Variants in CADPS observed in about 807,000 individuals in gnomAD.
CADPS encodes calcium dependent secretion activator.
A neutral mutation model predicts 167.3 loss-of-function variants in CADPS; 57 were observed. The observed-to-expected ratio is 0.34, with a 90% CI of 0.28 to 0.42. CADPS has a LOEUF of 0.42. Among genes scored for constraint, CADPS ranks in the 20% least tolerant of loss-of-function variants. The pLI, the probability that CADPS is intolerant of heterozygous loss-of-function variation, is 1.00. For synonymous variants in CADPS, 676 were observed against 635.3 expected, an observed-to-expected ratio of 1.06 and a Z score of -0.96; for missense variants, 1,414 against 1,738.1, an observed-to-expected ratio of 0.81 and a Z score of 3.32.
intron 24 of CADPS, among the ~76,000 whole-genome samples, chr3:62,468,437 T>C (rs1456613316): frequency 6.6e-6 from 1 of 152,150 alleles, no homozygotes; most frequent in Non-Finnish European, 1.5e-5. Flanking sequence ...CTTGAAAAAC[T>C]GGGCTGAAGT....
chr3:62,701,155 G>A (rs532116163), intron 3 of CADPS, among the ~76,000 whole-genome samples: 4 of 152,166 alleles, frequency 2.6e-5, no homozygotes, highest in East Asian at 3.9e-4. Flanking sequence ...TATGAATTTG[G>A]GGGGAGGGAC....
At chr3:62,727,424 G>T (rs978892543) in intron 3 of CADPS, among the ~76,000 whole-genome samples, 3 of 151,936 alleles carry the variant, frequency 2.0e-5, no homozygotes, top group African/African-American at 7.3e-5. Context: ...TTTAGTTGGT[G>T]AGAAATCTGT....
At chr3:62,543,004 A>T (rs1367621663) in intron 11 of CADPS, among the ~76,000 whole-genome samples, 4 of 152,188 alleles carry the variant, frequency 2.6e-5, no homozygotes, top group Non-Finnish European at 4.4e-5. Context: ...ACTATATGGC[A>T]TGAAAATACT....
At chr3:62,855,685 A>G (rs1444855707) in intron 1 of CADPS, among the ~76,000 whole-genome samples, 1 of 152,086 alleles carries the variant, frequency 6.6e-6, no homozygotes, top group Admixed American at 6.6e-5. Flanking sequence ...TTTTGCTTAT[A>G]ATTTATAATT....
At chr3:62,649,948 C>T (rs769147852) in intron 5 of CADPS, among the ~76,000 whole-genome samples, 18 of 152,178 alleles carry the variant, frequency 1.2e-4, no homozygotes, top group South Asian at 1.0e-3. Flanking sequence ...TTCCATTGTA[C>T]GGGTATACCC....
chr3:62,448,176 C>G (rs1195507856), intron 26 of CADPS, among the ~76,000 whole-genome samples: 1 of 152,202 alleles, frequency 6.6e-6, no homozygotes, highest in African/African-American at 2.4e-5. Context: ...ATGAGGAATT[C>G]AAGCATCGGT....
At chr3:62,404,382 CT>C (rs1310235377) in intron 28 of CADPS, 1 of 152,620 alleles carries the variant, frequency 6.6e-6, no homozygotes, top group Non-Finnish European at 1.5e-5. Context: ...TAACTCCACC[CT>C]TTCTCACCTA....
intron 1 of CADPS, among the ~76,000 whole-genome samples, chr3:62,805,224 C>A (rs1305588684): frequency 1.3e-5 from 2 of 152,130 alleles, no homozygotes; most frequent in Non-Finnish European, 2.9e-5. Context: ...AGTTGAGAAC[C>A]GCTCACTGTT....
intron 1 of CADPS, among the ~76,000 whole-genome samples, chr3:62,841,526 G>A (rs1265641411): frequency 2.0e-5 from 3 of 152,172 alleles, no homozygotes; most frequent in Non-Finnish European, 4.4e-5. Context: ...GACCAGTCTA[G>A]GCAACATGGC....
chr3:62,413,585 A>ACAGCC (rs2049403299), intron 28 of CADPS, among the ~76,000 whole-genome samples: 5 of 152,282 alleles, frequency 3.3e-5, no homozygotes, highest in Admixed American at 1.3e-4. Flanking sequence ...AGAAAGTAGA[A>ACAGCC]CAGTGTTACC....
chr3:62,789,442 A>G (rs2092746070), intron 1 of CADPS, among the ~76,000 whole-genome samples: 1 of 152,314 alleles, frequency 6.6e-6, no homozygotes, highest in South Asian at 2.1e-4. Context: ...CACTTAAAGC[A>G]TTTTATTGAA....
At chr3:62,769,652 G>A (rs1170957391) in intron 1 of CADPS, among the ~76,000 whole-genome samples, 1 of 152,144 alleles carries the variant, frequency 6.6e-6, no homozygotes, top group Non-Finnish European at 1.5e-5. Flanking sequence ...CTCCCCAGGT[G>A]GAGGTCGCTG....
intron 12 of CADPS, among the ~76,000 whole-genome samples, chr3:62,534,699 G>A (rs560341157): frequency 2.0e-5 from 3 of 152,114 alleles, no homozygotes; most frequent in South Asian, 2.1e-4. Flanking sequence ...CCTGCTGGTC[G>A]GTCTCCAAAA....
Position 62,874,816 on chromosome 3 carries a change from C to CGCT in CADPS, c.211_213dup (p.Ser71dup). On this transcript the variant is annotated inframe_insertion, in exon 1 of 30. Transcript: ENST00000383710. This position sits in a 1 kb window ranked among gnomAD's most constrained non-coding sequence, Gnocchi z 7.1. Reference sequence around the variant, plus strand: ...GGTTGCAGCCCCCCGGCCCCGCCGCCGCTGCTCGCGCCGCTGCCCCCGCCG... The same window carrying CGCT: ...GGTTGCAGCCCCCCGGCCCCGCCGCCGCTGCTGCTCGCGCCGCTGCCCCCGCCG... 9.2e-7 allele frequency: 1 copy of CGCT among 1,085,058 alleles called. No homozygotes were observed. Among genetic ancestry groups the CGCT allele is most frequent in the Non-Finnish European group, 1.1e-6 (1 of 879,642 alleles). 67.2% of individuals were successfully genotyped at this position (1,085,058 alleles called of 1,614,324 possible).
intron 3 of CADPS, among the ~76,000 whole-genome samples, chr3:62,745,733 A>G (rs1474622197): frequency 6.6e-6 from 1 of 152,200 alleles, no homozygotes; most frequent in Non-Finnish European, 1.5e-5. Context: ...CACCTTGTGT[A>G]ATGTGGGCAT....
chr3:62,726,398 C>G (rs1446412721), intron 3 of CADPS, among the ~76,000 whole-genome samples: 4 of 151,836 alleles, frequency 2.6e-5, no homozygotes, highest in Non-Finnish European at 4.4e-5. Context: ...TGTAATAAAA[C>G]TTTGGTTCCA....
At position 62,693,654 on chromosome 3, in the gene CADPS, G is replaced by A. The variant is rs561538813; in HGVS notation, c.889-31260C>T. On this transcript the variant is annotated intron_variant, in intron 3 of 29. Transcript: ENST00000383710. ...AAAAAAATTAGCCAAGCATGCTGGCGCATGCCCGTAGTCCCAGCTACTCAG... is the reference window on the plus strand; with the variant it reads ...AAAAAAATTAGCCAAGCATGCTGGCACATGCCCGTAGTCCCAGCTACTCAG... Among the ~76,000 whole-genome samples the A allele has an allele frequency of 3.8e-4, 58 of 151,788 alleles. 1 individual carries two copies. The highest frequency in any genetic ancestry group is 1.3e-3 in the African/African-American group (54 of 41,336).
intron 5 of CADPS, among the ~76,000 whole-genome samples, chr3:62,646,192 C>T (rs1344852420): frequency 5.7e-5 from 8 of 141,048 alleles, no homozygotes; most frequent in South Asian, 2.2e-4. Context: ...GATGGAGTCT[C>T]GCTCTGTCAC....
intron 1 of CADPS, among the ~76,000 whole-genome samples, chr3:62,812,762 T>A (rs138242380): frequency 1.7e-4 from 26 of 152,320 alleles, no homozygotes; most frequent in Non-Finnish European, 1.8e-4. Context: ...AGTGAGTGGA[T>A]TATGCATCTC....
Sources: gnomAD v4.1 joint callset for allele counts (sites outside exome capture counted in the v4.1 genomes callset) on GRCh38, gnomAD v4.1.1 for gene constraint, Gnocchi (gnomAD v3.1) non-coding constraint, MANE v1.5 for transcripts, NCBI Gene and HGNC (gene_info 2026-07-23, HGNC 2026-07-21) for gene names.